The following EDRF1 variants were observed in gnomAD, a reference collection of about 807,000 sequenced individuals.
The protein encoded by EDRF1 is erythroid differentiation-related factor 1.
EDRF1 carries 69 observed loss-of-function variants against 148.7 expected under a neutral mutation model. That is an observed-to-expected ratio of 0.46 (90% CI 0.38 to 0.57). The LOEUF (loss-of-function observed/expected upper bound fraction) is 0.57. EDRF1 is among the 20% of genes least tolerant of loss of function. The pLI is 0.00. For synonymous variants in EDRF1, 515 were observed against 532.8 expected (o/e 0.97, Z 0.46); for missense variants, 1,118 against 1,478.7 (o/e 0.76, Z 4.00).
intron 24 of EDRF1, among the ~76,000 whole-genome samples, chr10:125,758,999 C>A (rs1176877623): frequency 6.6e-6 from 1 of 152,134 alleles, no homozygotes; most frequent in Non-Finnish European, 1.5e-5. Context: ...TTCCCCCACC[C>A]CCATTGAGTC....
At chr10:125,753,067 A>G (rs1309876710) in intron 23 of EDRF1, among the ~76,000 whole-genome samples, 153 bp downstream of exon 23, 2 of 152,208 alleles carry the variant, frequency 1.3e-5, no homozygotes, top group Non-Finnish European at 2.9e-5. Context: ...GTGATTTGTT[A>G]TATTTGCCTG....
chr10:125,737,825 A>T, intron 13 of EDRF1, 93 bp from the exon 14 acceptor site: 1 of 1,267,144 alleles, frequency 7.9e-7, no homozygotes, highest in Non-Finnish European at 1.1e-6. Flanking sequence ...ATTTTTGTTG[A>T]TAATGCTTAC....
At position 125,734,135 on chromosome 10, in the gene EDRF1, A is replaced by G. The variant is rs774320506; in HGVS notation, c.1449A>G (p.Thr483=). 1 of 1,613,272 alleles carries G rather than the reference A, an allele frequency of 6.2e-7. No individual in the cohort carries two copies. The highest frequency in any genetic ancestry group is 8.5e-7 in the Non-Finnish European group (1 of 1,179,342). The change falls in exon 12 of 25, where the codon ACA becomes ACG. Residue 483 remains threonine (T), a synonymous_variant. Transcript: ENST00000356792. ...AGAAACACTATGGAACTATTAGAAC[A>G]TTGCTTCTTAATTGTCTGAAATTAC... is the stretch of plus-strand genomic sequence containing the variant. ...QNKKHYGTIR[T]LLLNCLKLLD...
At chr10:125,749,328 G>A (rs951788837) in intron 21 of EDRF1, 84 bp from the exon 22 acceptor site, 14 of 1,504,130 alleles carry the variant, frequency 9.3e-6, no homozygotes, top group Non-Finnish European at 1.2e-5. Flanking sequence ...GACCCACAGT[G>A]GGGGAAAAAT....
chr10:125,750,223 G>T (rs1849571221), intron 22 of EDRF1, among the ~76,000 whole-genome samples: 1 of 152,158 alleles, frequency 6.6e-6, no homozygotes, highest in Non-Finnish European at 1.5e-5. Flanking sequence ...AGGAGTAGTG[G>T]ACCTTATTGA....
At chr10:125,732,924 A>G (rs1181883308) in intron 9 of EDRF1, among the ~76,000 whole-genome samples, 4 of 152,130 alleles carry the variant, frequency 2.6e-5, no homozygotes, top group Non-Finnish European at 4.4e-5. Context: ...CCATAGATGA[A>G]GGGAAGAGAG....
At position 125,763,255 on chromosome 10, in the gene EDRF1, G is replaced by T; in HGVS notation, c.3546-46G>T. 2 of 1,567,402 alleles carry T rather than the reference G, an allele frequency of 1.3e-6. No individual in the cohort carries two copies. Among genetic ancestry groups the T allele is most frequent in the Non-Finnish European group, 1.7e-6 (2 of 1,146,512 alleles). On this transcript the variant is annotated intron_variant, in intron 24 of 24. Transcript: ENST00000356792. The surrounding 1 kb of genome is among the most constrained non-coding windows in gnomAD (Gnocchi z 4.3). Reference sequence around the variant, plus strand: ...TTTCTGGACCTCTGAATTGTCGGTAGGCATTGCTGGTCCCTTACCTGTCTC... The same window carrying T: ...TTTCTGGACCTCTGAATTGTCGGTATGCATTGCTGGTCCCTTACCTGTCTC...
At chr10:125,755,484 G>C (rs777398001) in intron 24 of EDRF1, among the ~76,000 whole-genome samples, 2 of 152,170 alleles carry the variant, frequency 1.3e-5, no homozygotes, top group Non-Finnish European at 2.9e-5. Flanking sequence ...TGTGTGGTTT[G>C]GGTATTAGAA....
Position 125,735,844 on chromosome 10 carries a change from A to C in EDRF1, c.1698A>C (p.Ile566=). 6.2e-7 allele frequency: 1 copy of C among 1,612,826 alleles called. No homozygotes were observed. The highest frequency in any genetic ancestry group is 2.2e-5 in the East Asian group (1 of 44,866). ...DPSDDSKAVA[I]IKSVGELSVP... is the part of the protein sequence containing the mutation. ...CAGATGATAGCAAAGCAGTAGCTAT[A>C]ATCAAGTCTGTTGGAGAACTATCAG... The change falls in exon 13 of 25, where the codon ATA becomes ATC. Residue 566 remains isoleucine, a synonymous_variant. Coordinates refer to ENST00000356792, the MANE Select transcript of EDRF1 (RefSeq NM_001202438.2).
At chr10:125,735,396 CT>C (rs34449207) in intron 12 of EDRF1, among the ~76,000 whole-genome samples, 1 of 152,012 alleles carries the variant, frequency 6.6e-6, no homozygotes, top group Admixed American at 6.6e-5. Context: ...CAGTTGACAC[CT>C]TTTAAGAGGG....
intron 24 of EDRF1, among the ~76,000 whole-genome samples, chr10:125,762,308 A>G (rs906789504): frequency 6.6e-6 from 1 of 152,206 alleles, no homozygotes; most frequent in Admixed American, 6.5e-5. Context: ...ACCTTAGTCC[A>G]AACTGTTAAC....
intron 1 of EDRF1, among the ~76,000 whole-genome samples, chr10:125,720,191 G>C (rs1847915629): frequency 6.6e-6 from 1 of 152,222 alleles, no homozygotes; most frequent in Non-Finnish European, 1.5e-5. Context: ...TGCAAAGCAG[G>C]AGGGAAGAAA....
rs756007063 is a variant in EDRF1 at position 125,733,645 on chromosome 10, C to T, written c.1287C>T (p.Ser429=). ...HTYWLFKASG[S]DIVKLYDLTT... ...TGTTTTTCTTTTCAGCAAGTGGCAG[C>T]GATATAGTGAAGCTCTATGACCTCA... The change falls in exon 11 of 25, where the codon AGC becomes AGT. Residue 429 remains serine, a synonymous_variant. Transcript: ENST00000356792. The T allele has an allele frequency of 1.8e-5, 29 of 1,613,144 alleles. No individual in the cohort carries two copies. In the East Asian group the frequency reaches 3.6e-4, roughly 20 times the overall value.
chr10:125,756,323 A>G (rs905121989), intron 24 of EDRF1, among the ~76,000 whole-genome samples: 1 of 151,932 alleles, frequency 6.6e-6, no homozygotes, highest in African/African-American at 2.4e-5. Flanking sequence ...CTCTTCTTTC[A>G]CGTTTGTGTA....
At chr10:125,731,867 A>G (rs1031341377) in intron 9 of EDRF1, 3 of 453,912 alleles carry the variant, frequency 6.6e-6, no homozygotes, top group African/African-American at 4.0e-5. Context: ...CTTCTTAGCT[A>G]CCTCACATGC....
chr10:125,722,982 C>T, intron 2 of EDRF1, 86 bp from the exon 3 acceptor site: 1 of 1,052,702 alleles, frequency 9.5e-7, no homozygotes. Context: ...ATCCTAGAAG[C>T]AATGAGCTAC....
intron 24 of EDRF1, among the ~76,000 whole-genome samples, chr10:125,759,222 C>T (rs1353501603): frequency 6.6e-6 from 1 of 152,146 alleles, no homozygotes; most frequent in African/African-American, 2.4e-5. Context: ...TCTCACCAGC[C>T]TCACTGGGCC....
chr10:125,727,987 C>T (rs1021083921), intron 6 of EDRF1, among the ~76,000 whole-genome samples: 23 of 151,632 alleles, frequency 1.5e-4, no homozygotes, highest in South Asian at 4.2e-4. Flanking sequence ...ACTTGAGGCC[C>T]GGAGTTAGAG....
In EDRF1 at chr10:125,763,688, TC is replaced by T; in HGVS notation, c.*218del. 1 of 603,690 alleles carries T rather than the reference TC, an allele frequency of 1.7e-6. No homozygotes were observed. Among genetic ancestry groups the T allele is most frequent in the Non-Finnish European group, 2.9e-6 (1 of 344,378 alleles). 37.4% of individuals were successfully genotyped at this position (603,690 alleles called of 1,614,324 possible). A position where few individuals can be genotyped will look rare whatever the true frequency, so the allele number is the denominator to read the frequency against. On this transcript the variant is annotated 3_prime_UTR_variant, in exon 25 of 25. Coordinates refer to ENST00000356792, the MANE Select transcript of EDRF1 (RefSeq NM_001202438.2). The surrounding 1 kb of genome is among the most constrained non-coding windows in gnomAD (Gnocchi z 4.3). ...TAACATCAGAATCAAACTTAAAGCT[TC>T]CACTATTTATGTCTTTGAGAAGTAT... is the stretch of plus-strand genomic sequence containing the variant.
Sources: gnomAD v4.1 joint callset for allele counts (sites outside exome capture counted in the v4.1 genomes callset) on GRCh38, gnomAD v4.1.1 for gene constraint, Gnocchi (gnomAD v3.1) non-coding constraint, MANE v1.5 for transcripts, NCBI Gene and HGNC (gene_info 2026-07-23, HGNC 2026-07-21) for gene names.